SCAPER: variants seen among roughly 807,000 people sequenced by gnomAD.
SCAPER encodes S-phase cyclin A associated protein in the ER.
SCAPER carries 98 observed loss-of-function variants against 182.2 expected under a neutral mutation model. The observed-to-expected ratio is 0.54, with a 90% CI of 0.46 to 0.64. The LOEUF (loss-of-function observed/expected upper bound fraction) is 0.64, where lower values mean the gene tolerates loss of function less well. Among genes scored for constraint, SCAPER ranks in the 30% least tolerant of loss-of-function variants. SCAPER has a pLI of 0.00. For missense variants in SCAPER, 1,432 were observed against 1,690.0 expected, an observed-to-expected ratio of 0.85 and a Z score of 2.68; for synonymous variants, 605 against 564.6, an observed-to-expected ratio of 1.07 and a Z score of -1.01.
chr15:76,395,427 G>C (rs182255689), intron 27 of SCAPER, among the ~76,000 whole-genome samples: 1 of 152,296 alleles, frequency 6.6e-6, no homozygotes, highest in Admixed American at 6.5e-5. Context: ...TTTCCAAACT[G>C]TTCTCCATAG....
In SCAPER at chr15:76,603,830, T is replaced by C. The variant is rs1263833159; in HGVS notation, c.2711+17934A>G. On this transcript the variant is annotated intron_variant, in intron 22 of 31. Transcript: ENST00000563290. ...GTCTGTTGGCTGCATAAATGTCTTC[T>C]TTTGAGAAGTATCTGTTCATATCCT... Among the ~76,000 whole-genome samples the C allele has an allele frequency of 6.5e-5, 8 of 122,348 alleles. 4 individuals carry two copies. The highest frequency in any genetic ancestry group is 1.6e-4 in the Non-Finnish European group (8 of 50,256). 80.3% of individuals were successfully genotyped at this position (122,348 alleles called of 152,430 possible). A position where few individuals can be genotyped will look rare whatever the true frequency, so the allele number is the denominator to read the frequency against.
chr15:76,840,280 C>A (rs1206530620), intron 5 of SCAPER, among the ~76,000 whole-genome samples: 2 of 151,926 alleles, frequency 1.3e-5, no homozygotes, highest in Non-Finnish European at 2.9e-5. Flanking sequence ...ATTAGCCAGG[C>A]ATGGTGGCAT....
chr15:76,782,691 A>G (rs2064246784), intron 8 of SCAPER, among the ~76,000 whole-genome samples: 1 of 152,240 alleles, frequency 6.6e-6, no homozygotes, highest in Non-Finnish European at 1.5e-5. Flanking sequence ...CTCTCAGACC[A>G]CAGTTCAATC....
intron 14 of SCAPER, among the ~76,000 whole-genome samples, chr15:76,761,306 C>T (rs570950372): frequency 4.0e-4 from 61 of 152,022 alleles, no homozygotes; most frequent in African/African-American, 1.2e-3. Context: ...TTTTTCCCAT[C>T]GTTTTTCTCT....
intron 5 of SCAPER, among the ~76,000 whole-genome samples, chr15:76,814,979 A>T (rs1160406985): frequency 6.6e-6 from 1 of 152,126 alleles, no homozygotes; most frequent in African/African-American, 2.4e-5. Context: ...TTCCAAAGAA[A>T]ACATAAAAAT....
chr15:76,860,109 T>G (rs903774022), intron 3 of SCAPER, among the ~76,000 whole-genome samples: 4 of 152,242 alleles, frequency 2.6e-5, no homozygotes, highest in African/African-American at 9.6e-5. Context: ...AATCGGGTTA[T>G]GTACAGATGT....
chr15:76,355,985 T>C (rs1223083977), intron 29 of SCAPER, among the ~76,000 whole-genome samples: 3 of 152,216 alleles, frequency 2.0e-5, no homozygotes, highest in South Asian at 2.1e-4. Flanking sequence ...GCTTTACCCA[T>C]TGGACCACGT....
At chr15:76,685,548 T>C (rs2057992637) in intron 20 of SCAPER, among the ~76,000 whole-genome samples, 1 of 152,074 alleles carries the variant, frequency 6.6e-6, no homozygotes, top group Non-Finnish European at 1.5e-5. Flanking sequence ...TTATAAAACC[T>C]AATTTAGTAA....
intron 1 of SCAPER, among the ~76,000 whole-genome samples, chr15:76,889,505 A>C (rs193237597): frequency 6.6e-6 from 1 of 152,336 alleles, no homozygotes; most frequent in East Asian, 1.9e-4. Flanking sequence ...GAGCAAAAAA[A>C]AGCAGGGGTC....
intron 17 of SCAPER, among the ~76,000 whole-genome samples, chr15:76,710,267 G>C (rs923221338): frequency 6.6e-6 from 1 of 152,006 alleles, no homozygotes; most frequent in Admixed American, 6.6e-5. Flanking sequence ...TGTATAAAAA[G>C]TACTAAAGAA....
intron 29 of SCAPER, among the ~76,000 whole-genome samples, chr15:76,369,023 C>A (rs181616055): frequency 2.6e-4 from 40 of 152,266 alleles, no homozygotes; most frequent in African/African-American, 9.1e-4. Context: ...AACTGCAACC[C>A]TATAGGAAAC....
chr15:76,778,445 G>A (rs1395534414), intron 8 of SCAPER, among the ~76,000 whole-genome samples: 1 of 151,920 alleles, frequency 6.6e-6, no homozygotes, highest in Non-Finnish European at 1.5e-5. Context: ...TAAATCAAAA[G>A]AGAATCAAAA....
At chr15:76,553,767 C>A (rs2045968512) in intron 23 of SCAPER, among the ~76,000 whole-genome samples, 1 of 151,200 alleles carries the variant, frequency 6.6e-6, no homozygotes, top group East Asian at 2.0e-4. Context: ...TCAACAGAAC[C>A]CACATTATAC....
intron 23 of SCAPER, among the ~76,000 whole-genome samples, chr15:76,572,188 T>C (rs1265644710): frequency 6.6e-6 from 1 of 152,218 alleles, no homozygotes; most frequent in African/African-American, 2.4e-5. Flanking sequence ...TAGATCATTT[T>C]GCCTTTTCCT....
At chr15:76,827,252 A>G (rs750917182) in intron 5 of SCAPER, among the ~76,000 whole-genome samples, 60 of 152,132 alleles carry the variant, frequency 3.9e-4, no homozygotes, top group Admixed American at 1.0e-3. Context: ...GGCTGAGGTT[A>G]TTTCATCCTG....
intron 23 of SCAPER, among the ~76,000 whole-genome samples, chr15:76,555,449 A>C (rs2046122870): frequency 6.6e-6 from 1 of 152,228 alleles, no homozygotes; most frequent in South Asian, 2.1e-4. Context: ...AAGTTGGATA[A>C]AGAAGCATGA....
At chr15:76,618,467 T>C (rs1170406721) in intron 22 of SCAPER, among the ~76,000 whole-genome samples, 1 of 152,226 alleles carries the variant, frequency 6.6e-6, no homozygotes, top group East Asian at 1.9e-4. Flanking sequence ...GTTGCTATTT[T>C]ACAGGAATTA....
chr15:76,366,668 T>C (rs1014520760), intron 29 of SCAPER, among the ~76,000 whole-genome samples: 1 of 152,220 alleles, frequency 6.6e-6, no homozygotes, highest in Non-Finnish European at 1.5e-5. Context: ...GTTGTCTCTG[T>C]GGTGTGTTTT....
intron 14 of SCAPER, among the ~76,000 whole-genome samples, chr15:76,756,183 G>A (rs2062414844): frequency 7.2e-6 from 1 of 138,894 alleles, no homozygotes. Flanking sequence ...GGTGGAGGCT[G>A]CAGTGAGCCG....
Sources: gnomAD v4.1 joint callset for allele counts (sites outside exome capture counted in the v4.1 genomes callset) on GRCh38, gnomAD v4.1.1 for gene constraint, MANE v1.5 for transcripts, NCBI Gene and HGNC (gene_info 2026-07-23, HGNC 2026-07-21) for gene names.